The following ARHGEF33 variants were observed in gnomAD, a reference collection of about 807,000 sequenced individuals.
The protein encoded by ARHGEF33 is DH and coiled-coil domain-containing protein ENSP00000381780.
Under a neutral mutation model 101.9 loss-of-function variants are expected in ARHGEF33, and 72 were observed. The ratio of observed to expected loss-of-function variants is 0.71; its 90% CI spans 0.58 to 0.86. ARHGEF33 has a LOEUF of 0.86. ARHGEF33 is among the 40% of genes least tolerant of loss of function. The pLI, the probability that ARHGEF33 is intolerant of heterozygous loss-of-function variation, is 0.00. For synonymous variants in ARHGEF33, 499 were observed against 442.5 expected (o/e 1.13, Z -1.60); for missense variants, 1,169 against 1,111.3 (o/e 1.05, Z -0.74).
intron 4 of ARHGEF33, among the ~76,000 whole-genome samples, chr2:38,922,215 T>C (rs1666774436): frequency 6.6e-6 from 1 of 152,148 alleles, no homozygotes; most frequent in Non-Finnish European, 1.5e-5. Context: ...CTCTCCAGAC[T>C]TCAGGCAGTG....
intron 2 of ARHGEF33, among the ~76,000 whole-genome samples, chr2:38,900,028 A>G (rs1169524625): frequency 7.9e-5 from 2 of 25,420 alleles, no homozygotes; most frequent in African/African-American, 1.5e-4. Context: ...CACTTCTACA[A>G]AAAAAAAATT....
chr2:38,950,814 G>C (rs1462068935), intron 10 of ARHGEF33, among the ~76,000 whole-genome samples, 175 bp from the exon 11 acceptor site: 2 of 152,102 alleles, frequency 1.3e-5, no homozygotes, highest in African/African-American at 4.8e-5. Flanking sequence ...TTTTTCTGTA[G>C]TCGGGATATC....
At position 38,939,843 on chromosome 2, in the gene ARHGEF33, G is replaced by A. The variant is rs542093755; in HGVS notation, c.790+2284G>A. ...CAATTTTAAACTCTTAAAATAGCTCGTGACTTTCTTGTCTTTCTGAGAAAC... is the reference window on the plus strand; with the variant it reads ...CAATTTTAAACTCTTAAAATAGCTCATGACTTTCTTGTCTTTCTGAGAAAC... On this transcript the variant is annotated intron_variant, in intron 9 of 17. Transcript: ENST00000409978. Among the ~76,000 whole-genome samples, 23 of 152,274 alleles carry A rather than the reference G, an allele frequency of 1.5e-4. No homozygotes were observed. The South Asian group carries it at 4.6e-3, about 30-fold the overall frequency.
chr2:38,956,770 T>C lies in ARHGEF33; in HGVS notation c.1222-129T>C, dbSNP rs1667777873. 2.7e-6 allele frequency: 3 copies of C among 1,111,392 alleles called. No homozygotes were observed. In the African/African-American group the frequency reaches 4.7e-5, roughly 17 times the overall value. The allele number at this position is 1,111,392 out of a possible 1,614,324, so 68.8% of individuals were successfully genotyped here. On this transcript the variant is annotated intron_variant, in intron 13 of 17. Coordinates refer to ENST00000409978, the MANE Select transcript of ARHGEF33 (RefSeq NM_001145451.5). ...TCAGCGTATAATTAGATGGGGGTCA[T>C]GTGTATTGTTCATTGTTTTGATTAA...
At chr2:38,902,832 T>C (rs1165810091) in intron 2 of ARHGEF33, among the ~76,000 whole-genome samples, 2 of 152,056 alleles carry the variant, frequency 1.3e-5, no homozygotes, top group Non-Finnish European at 2.9e-5. Context: ...ATTTGATTGG[T>C]AAATGTTGTG....
At chr2:38,890,679 G>A (rs1426066858) in intron 1 of ARHGEF33, among the ~76,000 whole-genome samples, 51 of 152,188 alleles carry the variant, frequency 3.4e-4, no homozygotes, top group Admixed American at 3.3e-3. Flanking sequence ...TTCTGAATAT[G>A]TAGAAATCTC....
Position 38,929,813 on chromosome 2 carries a change from T to G in ARHGEF33, c.345T>G (p.Ser115=), listed in dbSNP as rs369751563. Residue 115 remains serine (S), a synonymous_variant, in exon 6 of 18, where the codon TCT becomes TCG. Transcript: ENST00000409978. ...TTCAACAGGAGAAGCGAAGAGAATC[T>G]CGAAAAGTTAAAGCCAAGTGAGTGT... ...EQLQQEKRRE[S]RKVKAKKTQK... The G allele has an allele frequency of 8.6e-5, 134 of 1,551,312 alleles. No individual in the cohort carries two copies. In the African/African-American group the frequency reaches 1.7e-3, roughly 19 times the overall value.
chr2:38,972,041 G>T, intron 17 of ARHGEF33: 2 of 690,612 alleles, frequency 2.9e-6, no homozygotes, highest in Non-Finnish European at 5.4e-6. Flanking sequence ...ACGAGGCAAA[G>T]ATTTCAAGTT....
chr2:38,920,478 A>G (rs1191991622), intron 3 of ARHGEF33, among the ~76,000 whole-genome samples: 3 of 134,610 alleles, frequency 2.2e-5, no homozygotes, highest in Non-Finnish European at 4.6e-5. Context: ...CACGATCTCA[A>G]CTCACTGCAA....
rs1668244790 is a variant in ARHGEF33, at chr2:38,974,980, T to TA, written c.*1138dup. 6.6e-6 allele frequency: 1 copy of TA among 152,216 alleles called. No individual in the cohort carries two copies. Among genetic ancestry groups the TA allele is most frequent in the African/African-American group, 2.4e-5 (1 of 41,452 alleles). The allele number at this position is 152,216 out of a possible 1,614,324, so 9.4% of individuals were successfully genotyped here. A position where few individuals can be genotyped will look rare whatever the true frequency, so the allele number is the denominator to read the frequency against. The stretch of plus-strand genomic sequence containing the variant: ...CTTGATATGCCCCAAACATCAGATT[T>TA]ATAATAGAAAAAAAATTGGGTTTAA... On this transcript the variant is annotated 3_prime_UTR_variant, in exon 18 of 18. Transcript: ENST00000409978.
In ARHGEF33 at chr2:38,960,344, C is replaced by A. The variant is rs1351990929; in HGVS notation, c.2039C>A (p.Ala680Asp). The change falls in exon 16 of 18, where the codon GCT (alanine) becomes GAT (aspartate). Residue 680 changes from alanine to aspartate, a missense_variant. By Grantham distance (126) the Ala-to-Asp change is moderately radical. Transcript: ENST00000409978. ...EHPLQPLPKS[A>D]TSPAGSSSAY... ...CCGCTGCAGCCGCTGCCCAAGAGCG[C>A]TACGTCGCCGGCGGGCAGCAGCAGC... 5 of 1,534,700 alleles carry A rather than the reference C, an allele frequency of 3.3e-6. No individual in the cohort carries two copies. The highest frequency in any genetic ancestry group is 4.4e-6 in the Non-Finnish European group (5 of 1,143,872).
chr2:38,953,990 C>T (rs1280210348), intron 12 of ARHGEF33, among the ~76,000 whole-genome samples: 3 of 152,194 alleles, frequency 2.0e-5, no homozygotes, highest in Non-Finnish European at 2.9e-5. Flanking sequence ...TGTCCTGAAG[C>T]GCCAAGTCTC....
At chr2:38,937,240 T>C (rs540454908) in intron 8 of ARHGEF33, 95 bp from the exon 9 acceptor site, 37 of 651,296 alleles carry the variant, frequency 5.7e-5, no homozygotes, top group African/African-American at 4.4e-4. Context: ...GTGATCCGCC[T>C]GCCTCGGCCT....
intron 9 of ARHGEF33, among the ~76,000 whole-genome samples, chr2:38,940,478 C>T (rs957054487): frequency 4.0e-5 from 6 of 151,378 alleles, no homozygotes; most frequent in Non-Finnish European, 7.4e-5. Flanking sequence ...TCCTATTCTG[C>T]TTTGGCCCAA....
intron 9 of ARHGEF33, among the ~76,000 whole-genome samples, chr2:38,941,040 T>C (rs1667294855): frequency 6.6e-6 from 1 of 152,200 alleles, no homozygotes; most frequent in Non-Finnish European, 1.5e-5. Flanking sequence ...AGTGATGTTA[T>C]CTATAGGAAT....
Position 38,960,419 on chromosome 2 carries a change from T to C in ARHGEF33, c.2114T>C (p.Leu705Pro). Residue 705 changes from leucine to proline, a missense_variant, in exon 16 of 18, where the codon CTG becomes CCG. Leu to Pro is a moderately conservative substitution (Grantham distance 98). Transcript: ENST00000409978. ...AAQAHGKAKP[L>P]SRSLKEFPRA... Reference sequence around the variant, plus strand: ...CAGGCGCACGGCAAGGCCAAGCCGCTGAGCCGCTCTCTCAAAGAGTTCCCG... The same window carrying C: ...CAGGCGCACGGCAAGGCCAAGCCGCCGAGCCGCTCTCTCAAAGAGTTCCCG... 6.6e-7 allele frequency: 1 copy of C among 1,514,842 alleles called. No homozygotes were observed. Among genetic ancestry groups the C allele is most frequent in the East Asian group, 2.5e-5 (1 of 39,782 alleles). The allele number at this position is 1,514,842 out of a possible 1,614,324, so 93.8% of individuals were successfully genotyped here. A position where few individuals can be genotyped will look rare whatever the true frequency, so the allele number is the denominator to read the frequency against.
intron 11 of ARHGEF33, among the ~76,000 whole-genome samples, chr2:38,951,966 C>G (rs540871634): frequency 6.6e-6 from 1 of 152,250 alleles, no homozygotes; most frequent in African/African-American, 2.4e-5. Flanking sequence ...ACAGTATGGA[C>G]TGGTGTGAAG....
chr2:38,950,934 G>C (rs1388492145), intron 10 of ARHGEF33, 55 bp from the exon 11 acceptor site: 2 of 1,509,988 alleles, frequency 1.3e-6, no homozygotes, highest in Non-Finnish European at 1.8e-6. Context: ...ATTTTTGTAG[G>C]GTCCTTTCTT....
intron 12 of ARHGEF33, 120 bp downstream of exon 12, chr2:38,953,365 C>A: frequency 1.5e-6 from 1 of 656,896 alleles, no homozygotes; most frequent in Non-Finnish European, 2.8e-6. Flanking sequence ...ATGGCCTGAA[C>A]ACAGCCACTA....
Sources: gnomAD v4.1 joint callset for allele counts (sites outside exome capture counted in the v4.1 genomes callset) on GRCh38, gnomAD v4.1.1 for gene constraint, MANE v1.5 for transcripts, NCBI Gene and HGNC (gene_info 2026-07-23, HGNC 2026-07-21) for gene names.